The following CYP4F22 variants were observed in gnomAD, a reference collection of about 807,000 sequenced individuals.
The protein encoded by CYP4F22 is ultra-long-chain fatty acid omega-hydroxylase.
In CYP4F22, 37 loss-of-function variants were observed where a neutral mutation model predicts 60.4. The ratio of observed to expected loss-of-function variants is 0.61; its 90% CI spans 0.47 to 0.81. The LOEUF (loss-of-function observed/expected upper bound fraction) is 0.81, where lower values mean the gene tolerates loss of function less well. Among genes scored for constraint, CYP4F22 ranks in the 30% least tolerant of loss-of-function variants. The probability of loss-of-function intolerance (pLI) is 0.00; values close to 1 mark genes in which losing one functional copy is unlikely to be tolerated. For missense variants in CYP4F22, 655 were observed against 715.0 expected (o/e 0.92, Z 0.96); for synonymous variants, 258 against 280.5 (o/e 0.92, Z 0.80).
chr19:15,511,057 C>T (rs1401671394), intron 1 of CYP4F22, among the ~76,000 whole-genome samples: 1 of 148,472 alleles, frequency 6.7e-6, no homozygotes, highest in Non-Finnish European at 1.5e-5. Flanking sequence ...ACCCCTGCCT[C>T]CCGGGTTCAA....
chr19:15,516,123 A>G (rs912583972), intron 1 of CYP4F22: 2 of 152,218 alleles, frequency 1.3e-5, no homozygotes, highest in African/African-American at 4.8e-5. Context: ...TGTGTTAGAT[A>G]TAAGAGAATA....
At chr19:15,545,372 G>T (rs995864484) in intron 10 of CYP4F22, among the ~76,000 whole-genome samples, 1 of 152,084 alleles carries the variant, frequency 6.6e-6, no homozygotes, top group African/African-American at 2.4e-5. Flanking sequence ...ATTAGGCTGG[G>T]CGTGGTGGCT....
intron 4 of CYP4F22, among the ~76,000 whole-genome samples, chr19:15,533,663 C>T (rs1010093159): frequency 1.4e-4 from 19 of 138,766 alleles, no homozygotes; most frequent in Admixed American, 7.2e-4. Context: ...AGTGGTGTAG[C>T]CATAACTCAT....
chr19:15,524,700 A>G (rs111508303), intron 2 of CYP4F22, among the ~76,000 whole-genome samples: 7 of 147,110 alleles, frequency 4.8e-5, no homozygotes, highest in East Asian at 3.9e-4. Flanking sequence ...GAAAGAAAGA[A>G]AGAGAGAGAG....
intron 10 of CYP4F22, among the ~76,000 whole-genome samples, chr19:15,545,469 G>A (rs576271897): frequency 4.5e-4 from 68 of 151,750 alleles, no homozygotes; most frequent in African/African-American, 1.5e-3. Context: ...GCAACATGAC[G>A]AAACCCTGTC....
intron 8 of CYP4F22, among the ~76,000 whole-genome samples, chr19:15,543,187 C>G (rs1269416079): frequency 6.6e-6 from 1 of 152,124 alleles, no homozygotes; most frequent in Non-Finnish European, 1.5e-5. Context: ...TAAAAGCGTT[C>G]CTATTTCTCC....
intron 3 of CYP4F22, among the ~76,000 whole-genome samples, chr19:15,526,765 G>A (rs990584553): frequency 4.5e-5 from 6 of 133,228 alleles, no homozygotes; most frequent in East Asian, 2.1e-4. Flanking sequence ...TTTTTTTTTC[G>A]AGACAGTCTT....
chr19:15,544,356 A>C, intron 10 of CYP4F22, 77 bp downstream of exon 10: 1 of 1,532,636 alleles, frequency 6.5e-7, no homozygotes, highest in Non-Finnish European at 8.9e-7. Context: ...TCTCCCACTT[A>C]CTGATTGTGT....
chr19:15,547,995 G>GT lies in CYP4F22; in HGVS notation c.1137-113_1137-112insT, dbSNP rs1568363982. On this transcript the variant is annotated intron_variant, in intron 10 of 13. Transcript: ENST00000269703. Reference sequence around the variant, plus strand: ...AGAGAGAGAGAGAGAGAGAGAGAGAGGGAGAGAGTGTGTGTGTGTGTGTGT... The same window carrying GT: ...AGAGAGAGAGAGAGAGAGAGAGAGAGTGGAGAGAGTGTGTGTGTGTGTGTGT... 2.6e-4 allele frequency: 33 copies of GT among 126,228 alleles called. 3 individuals are homozygous for GT. The highest frequency in any genetic ancestry group is 2.5e-3 in the African/African-American group (28 of 11,210). The allele number at this position is 126,228 out of a possible 1,614,324, so 7.8% of individuals were successfully genotyped here.
chr19:15,516,268 G>A lies in CYP4F22; in HGVS notation c.-108-7425G>A, dbSNP rs148854912. 5.1e-3 allele frequency among the ~76,000 whole-genome samples: 780 copies of A among 152,272 alleles called. 3 individuals carry two copies. Among genetic ancestry groups the A allele is most frequent in the Non-Finnish European group, 8.6e-3 (586 of 68,026 alleles). On this transcript the variant is annotated intron_variant, in intron 1 of 13. Coordinates refer to ENST00000269703, the MANE Select transcript of CYP4F22 (RefSeq NM_173483.4). ...TGTGCTCACAGGCATGTCCCAGCTCGCAGCCCATGCCCTTTCCTTATTTGG... is the reference window on the plus strand; with the variant it reads ...TGTGCTCACAGGCATGTCCCAGCTCACAGCCCATGCCCTTTCCTTATTTGG...
In CYP4F22 at chr19:15,537,973, CT is replaced by C; in HGVS notation, c.652del (p.Tyr218ThrfsTer9). 1 of 1,614,106 alleles carries C rather than the reference CT, an allele frequency of 6.2e-7. No individual in the cohort carries two copies. On this transcript the variant is annotated frameshift_variant, in exon 7 of 14. Transcript: ENST00000269703. LOFTEE classifies it high-confidence loss of function. ...LDSLQKCVFS[Y>X]NSNCQEKMSD... ...ACAGTCTTCAGAAATGTGTCTTCAGCTACAACAGCAACTGCCAAGAGTGAGT... is the reference window on the plus strand; with the variant it reads ...ACAGTCTTCAGAAATGTGTCTTCAGCACAACAGCAACTGCCAAGAGTGAGT...
chr19:15,551,162 C>G (rs527315524), intron 13 of CYP4F22, 132 bp from the exon 14 acceptor site: 1 of 1,199,572 alleles, frequency 8.3e-7, no homozygotes, highest in Non-Finnish European at 1.2e-6. Flanking sequence ...TTAACCCTCA[C>G]CCAGCGTGGG....
intron 10 of CYP4F22, among the ~76,000 whole-genome samples, chr19:15,545,514 T>C (rs1599815006): frequency 6.7e-6 from 1 of 149,314 alleles, no homozygotes; most frequent in African/African-American, 2.5e-5. Context: ...CTGGGTGGGG[T>C]GGCGCATGCC....
intron 3 of CYP4F22, 122 bp from the exon 4 acceptor site, chr19:15,529,587 G>T: frequency 1.4e-6 from 2 of 1,389,560 alleles, no homozygotes; most frequent in South Asian, 1.2e-5. Context: ...GCAGCCAACT[G>T]CCTGAAATCA....
intron 1 of CYP4F22, among the ~76,000 whole-genome samples, chr19:15,519,109 G>C (rs547286700): frequency 6.6e-6 from 1 of 152,094 alleles, no homozygotes; most frequent in Non-Finnish European, 1.5e-5. Context: ...TGAGACATGG[G>C]AATTGCCTTT....
At chr19:15,509,902 TTC>T (rs1460079044) in intron 1 of CYP4F22, among the ~76,000 whole-genome samples, 139 of 119,488 alleles carry the variant, frequency 1.2e-3, no homozygotes, top group Middle Eastern at 4.4e-3. Flanking sequence ...CCTTCCTTCC[TTC>T]CTTTCTTTCT....
intron 1 of CYP4F22, among the ~76,000 whole-genome samples, chr19:15,519,407 C>T (rs35333813): frequency 0.55 from 83,838 of 151,694 alleles, 24,728 homozygotes; most frequent in Non-Finnish European, 0.67. Flanking sequence ...GGACTACAGG[C>T]GCCCGCCACC....
At chr19:15,509,962 C>T (rs59427122) in intron 1 of CYP4F22, among the ~76,000 whole-genome samples, 7,029 of 98,726 alleles carry the variant, frequency 0.071, 272 homozygotes, top group Middle Eastern at 0.14. Context: ...CTGTCTCTCT[C>T]TCTTTCTTTC....
intron 1 of CYP4F22, among the ~76,000 whole-genome samples, chr19:15,511,772 G>A (rs1971094982): frequency 6.6e-6 from 1 of 152,164 alleles, no homozygotes; most frequent in African/African-American, 2.4e-5. Context: ...CGTACCTGGC[G>A]TCGGCCTGGG....
Sources: gnomAD v4.1 joint callset for allele counts (sites outside exome capture counted in the v4.1 genomes callset) on GRCh38, gnomAD v4.1.1 for gene constraint, MANE v1.5 for transcripts, NCBI Gene and HGNC (gene_info 2026-07-23, HGNC 2026-07-21) for gene names.